Variants in C1orf185 observed in about 807,000 individuals in gnomAD.
The protein encoded by C1orf185 is chromosome 1 open reading frame 185.
In C1orf185, 13 loss-of-function variants were observed where a neutral mutation model predicts 16.1. The ratio of observed to expected loss-of-function variants is 0.81; its 90% CI spans 0.53 to 1.28. C1orf185 has a LOEUF of 1.28. Ranked by LOEUF, C1orf185 falls within the 50% of genes most tolerant of loss-of-function variation. The pLI is 0.00. For synonymous variants in C1orf185, 80 were observed against 76.9 expected, an observed-to-expected ratio of 1.04 and a Z score of -0.21; for missense variants, 220 against 225.2, an observed-to-expected ratio of 0.98 and a Z score of 0.15.
At chr1:51,139,975 C>G (rs970642639) in intron 3 of C1orf185, among the ~76,000 whole-genome samples, 7 of 152,168 alleles carry the variant, frequency 4.6e-5, no homozygotes, top group African/African-American at 1.7e-4. Flanking sequence ...GCCCTTAAAG[C>G]TTCTATCTAG....
At position 51,147,474 on chromosome 1, in the gene C1orf185, A is replaced by G; in HGVS notation, c.303A>G (p.Lys101=). 6.6e-7 allele frequency: 1 copy of G among 1,522,956 alleles called. No homozygotes were observed. 94.3% of individuals were successfully genotyped at this position (1,522,956 alleles called of 1,614,324 possible). A position where few individuals can be genotyped will look rare whatever the true frequency, so the allele number is the denominator to read the frequency against. The change falls in exon 5 of 5, where the codon AAA becomes AAG. Residue 101 remains lysine (K), a synonymous_variant. Coordinates refer to ENST00000371759, the MANE Select transcript of C1orf185 (RefSeq NM_001136508.2). Reference sequence around the variant, plus strand: ...GTAAATCTGTTTTTACAGCAATTAAAGATCATTCTAAAGATGAACCCCAAC... The same window carrying G: ...GTAAATCTGTTTTTACAGCAATTAAGGATCATTCTAAAGATGAACCCCAAC... The part of the protein sequence containing the change: ...KKEAAHIKAI[K]DHSKDEPQLA...
chr1:51,134,364 A>G (rs1646307274), intron 3 of C1orf185, among the ~76,000 whole-genome samples: 2 of 152,130 alleles, frequency 1.3e-5, no homozygotes, highest in Non-Finnish European at 2.9e-5. Flanking sequence ...AACATATAGC[A>G]CTAAATGCCC....
At chr1:51,125,197 G>A (rs1646231543) in intron 3 of C1orf185, among the ~76,000 whole-genome samples, 1 of 152,168 alleles carries the variant, frequency 6.6e-6, no homozygotes, top group South Asian at 2.1e-4. Context: ...ACAAGAAAAG[G>A]AATTAGAAGG....
chr1:51,116,648 T>C (rs1426364719), intron 2 of C1orf185, among the ~76,000 whole-genome samples: 2 of 152,134 alleles, frequency 1.3e-5, no homozygotes, highest in Non-Finnish European at 2.9e-5. Context: ...CACTATATTT[T>C]AAAGGACTTT....
chr1:51,121,315 T>G (rs1372459347), intron 3 of C1orf185, among the ~76,000 whole-genome samples: 5 of 152,160 alleles, frequency 3.3e-5, no homozygotes, highest in Non-Finnish European at 7.3e-5. Flanking sequence ...TTCTACTGTC[T>G]GCTTCTACGA....
intron 2 of C1orf185, among the ~76,000 whole-genome samples, chr1:51,115,384 T>C (rs1156642828): frequency 1.4e-4 from 21 of 152,218 alleles, no homozygotes; most frequent in Non-Finnish European, 4.4e-5. Flanking sequence ...CATTTATCCA[T>C]CCATAGTTCA....
chr1:51,109,130 T>G (rs1646094694), intron 1 of C1orf185, among the ~76,000 whole-genome samples: 2 of 152,344 alleles, frequency 1.3e-5, no homozygotes, highest in South Asian at 4.1e-4. Flanking sequence ...TAGGGTAAGA[T>G]AATATCTCAT....
intron 3 of C1orf185, among the ~76,000 whole-genome samples, chr1:51,129,261 C>T (rs138988167): frequency 9.2e-5 from 14 of 152,254 alleles, no homozygotes; most frequent in Admixed American, 1.3e-4. Context: ...CCTCCTTGGC[C>T]TCTCAGAGCA....
At chr1:51,126,922 C>A (rs1570307528) in intron 3 of C1orf185, among the ~76,000 whole-genome samples, 1 of 152,198 alleles carries the variant, frequency 6.6e-6, no homozygotes, top group African/African-American at 2.4e-5. Context: ...TTAACCTAAC[C>A]TTTACAGTTT....
intron 3 of C1orf185, among the ~76,000 whole-genome samples, chr1:51,119,583 A>G (rs1646183027): frequency 6.6e-6 from 1 of 152,234 alleles, no homozygotes; most frequent in South Asian, 2.1e-4. Flanking sequence ...GCTTGAGCCC[A>G]GGAACTGGAA....
rs1221686164 is a variant in C1orf185 at position 51,112,515 on chromosome 1, G to A, written c.68G>A (p.Gly23Glu). The stretch of plus-strand genomic sequence containing the variant: ...CTTGCTGCTGGTGCTGTCACTTTGG[G>A]AATTGGTTTCTTTGCTTTGGCATCA... ...YFLAAGAVTL[G>E]IGFFALASAL... The change falls in exon 2 of 5, where the codon GGA (glycine) becomes GAA (glutamate). Residue 23 changes from glycine (G) to glutamate (E), a missense_variant. Transcript: ENST00000371759. The A allele has an allele frequency of 5.8e-6, 9 of 1,550,838 alleles. No homozygotes were observed. Among genetic ancestry groups the A allele is most frequent in the Non-Finnish European group, 7.8e-6 (9 of 1,146,616 alleles).
chr1:51,114,648 T>C (rs1231303733), intron 2 of C1orf185, among the ~76,000 whole-genome samples: 1 of 152,078 alleles, frequency 6.6e-6, no homozygotes, highest in African/African-American at 2.4e-5. Context: ...GCTTGAACCC[T>C]GAAGGCAGAG....
chr1:51,128,517 T>C (rs558156889), intron 3 of C1orf185, among the ~76,000 whole-genome samples: 1 of 151,966 alleles, frequency 6.6e-6, no homozygotes, highest in East Asian at 2.0e-4. Flanking sequence ...TATGGCGAAA[T>C]CCCATCTCTA....
At chr1:51,116,265 C>T (rs1294272428) in intron 2 of C1orf185, among the ~76,000 whole-genome samples, 3 of 151,858 alleles carry the variant, frequency 2.0e-5, no homozygotes, top group Non-Finnish European at 4.4e-5. Context: ...CTTTTCTCCA[C>T]ACTTCTACCA....
In C1orf185 at chr1:51,103,773, G is replaced by C. The variant is rs535925056; in HGVS notation, c.16+1524G>C. 4.6e-5 allele frequency among the ~76,000 whole-genome samples: 7 copies of C among 152,238 alleles called. No individual in the cohort carries two copies. In the East Asian group the frequency reaches 1.4e-3, roughly 29 times the overall value. On this transcript the variant is annotated intron_variant, in intron 1 of 4. Transcript: ENST00000371759. ...TGGTCTTGAATTCCTGACCTCAGGTGATCTGCCTGCCTTGGCCTCCCAAAC... is the reference window on the plus strand; with the variant it reads ...TGGTCTTGAATTCCTGACCTCAGGTCATCTGCCTGCCTTGGCCTCCCAAAC...
intron 3 of C1orf185, among the ~76,000 whole-genome samples, chr1:51,143,625 T>C (rs755301059): frequency 1.3e-5 from 2 of 149,854 alleles, no homozygotes; most frequent in Non-Finnish European, 2.9e-5. Context: ...TCATAATGCA[T>C]TTAACTATTT....
intron 3 of C1orf185, among the ~76,000 whole-genome samples, chr1:51,123,271 A>G (rs143349852): frequency 5.9e-5 from 9 of 152,342 alleles, no homozygotes; most frequent in Non-Finnish European, 1.0e-4. Context: ...CACCTTCTGA[A>G]TACTGCCACA....
chr1:51,110,178 T>G (rs548807942), intron 1 of C1orf185, among the ~76,000 whole-genome samples: 2 of 152,340 alleles, frequency 1.3e-5, no homozygotes, highest in Non-Finnish European at 2.9e-5. Context: ...TTTTCTCATA[T>G]GTAAAGTGCA....
At chr1:51,110,824 C>A (rs373825628) in intron 1 of C1orf185, among the ~76,000 whole-genome samples, 1 of 152,056 alleles carries the variant, frequency 6.6e-6, no homozygotes, top group East Asian at 1.9e-4. Context: ...CAAAAATTAG[C>A]CTGGCGTGGT....
Sources: allele counts gnomAD v4.1 joint callset (sites outside exome capture counted in the v4.1 genomes callset), GRCh38; gene constraint gnomAD v4.1.1; transcripts MANE v1.5; gene names NCBI Gene and HGNC (gene_info 2026-07-23, HGNC 2026-07-21).